Variants in VWCE observed in about 807,000 individuals in gnomAD.
VWCE encodes von Willebrand factor C and EGF domain-containing protein.
Under a neutral mutation model 102.9 loss-of-function variants are expected in VWCE, and 68 were observed. The observed-to-expected ratio is 0.66, with a 90% confidence interval of 0.54 to 0.81. The LOEUF is 0.81. Among genes scored for constraint, VWCE ranks in the 30% least tolerant of loss-of-function variants. VWCE has a pLI of 0.00. For missense variants in VWCE, 1,137 were observed against 1,263.6 expected (o/e 0.90, Z 1.52); for synonymous variants, 497 against 515.4 (o/e 0.96, Z 0.48).
At chr11:61,286,158 G>T in intron 5 of VWCE, 156 bp downstream of exon 5, 1 of 773,006 alleles carries the variant, frequency 1.3e-6, no homozygotes, top group Non-Finnish European at 2.2e-6. Flanking sequence ...ACATCAGTCA[G>T]ACAGGAACCA....
At chr11:61,276,701 G>A (rs768156080) in intron 10 of VWCE, 21 bp from the exon 11 acceptor site, 3 of 1,577,208 alleles carry the variant, frequency 1.9e-6, no homozygotes, top group East Asian at 2.3e-5. Flanking sequence ...GGCAAGAGAG[G>A]GCACTGGGGG....
At chr11:61,276,757 T>G in intron 10 of VWCE, 77 bp from the exon 11 acceptor site, 1 of 1,213,524 alleles carries the variant, frequency 8.2e-7, no homozygotes, top group Non-Finnish European at 1.1e-6. Flanking sequence ...AGCAGGCCCT[T>G]CGAACAGGAA....
chr11:61,284,387 C>T (rs1018573054), intron 5 of VWCE, among the ~76,000 whole-genome samples: 1 of 152,132 alleles, frequency 6.6e-6, no homozygotes, highest in African/African-American at 2.4e-5. Context: ...GGACCCAGGA[C>T]CTGAGAGTTC....
At chr11:61,272,865 C>A (rs550850799) in intron 13 of VWCE, among the ~76,000 whole-genome samples, 28 of 151,916 alleles carry the variant, frequency 1.8e-4, no homozygotes, top group Non-Finnish European at 3.5e-4. Context: ...AACACAGACA[C>A]ATACACACAC....
At chr11:61,287,139 G>A (rs570896899) in intron 4 of VWCE, among the ~76,000 whole-genome samples, 8 of 152,070 alleles carry the variant, frequency 5.3e-5, no homozygotes, top group East Asian at 1.9e-4. Context: ...TCCCTTGCAC[G>A]GCCCTCTCTG....
chr11:61,260,906 A>T (rs184688478), intron 19 of VWCE, among the ~76,000 whole-genome samples: 12 of 152,122 alleles, frequency 7.9e-5, no homozygotes, highest in African/African-American at 2.9e-4. Context: ...GCAAAAAGAA[A>T]ATGAAGAGTG....
At chr11:61,287,760 C>T (rs755658654) in intron 4 of VWCE, among the ~76,000 whole-genome samples, 50 of 152,190 alleles carry the variant, frequency 3.3e-4, no homozygotes, top group Non-Finnish European at 5.1e-4. Flanking sequence ...GAGGTGCTTC[C>T]AGGCAGCAGC....
At position 61,290,327 on chromosome 11, in the gene VWCE, C is replaced by T. The variant is rs141706283; in HGVS notation, c.424+472G>A. 6.7e-3 allele frequency among the ~76,000 whole-genome samples: 1,016 copies of T among 152,282 alleles called. 13 individuals are homozygous for T. Among genetic ancestry groups the T allele is most frequent in the African/African-American group, 0.024 (981 of 41,546 alleles). On this transcript the variant is annotated intron_variant, in intron 4 of 19. Coordinates refer to ENST00000335613, the MANE Select transcript of VWCE (RefSeq NM_152718.2). ...AGGAGTTCGAGACCACCCTGGCCAA[C>T]ATGGCAAAACCCTGTCTCTACTAAA...
intron 14 of VWCE, 105 bp downstream of exon 14, chr11:61,271,570 C>A (rs985351237): frequency 9.1e-7 from 1 of 1,098,790 alleles, no homozygotes. Context: ...AGGGAGACTG[C>A]GGCCAGCCTG....
At chr11:61,271,499 A>C (rs1416690225) in intron 14 of VWCE, 176 bp downstream of exon 14, 1 of 585,092 alleles carries the variant, frequency 1.7e-6, no homozygotes, top group Non-Finnish European at 3.1e-6. Context: ...TCACACATCT[A>C]CTGAGAGCAG....
In VWCE at chr11:61,267,554, A is replaced by G. The variant is rs1565218182; in HGVS notation, c.1883-10T>C. 6.2e-7 allele frequency: 1 copy of G among 1,613,948 alleles called. No individual in the cohort carries two copies. ...CCTGTGTAGGTGCAGCCTGCCAGAG[A>G]GAGCATGCGCTGAGCACCAGCTGGG... On this transcript the variant is annotated splice_polypyrimidine_tract_variant and intron_variant, in intron 15 of 19. Transcript: ENST00000335613.
At chr11:61,293,325 G>A (rs1385524760) in intron 1 of VWCE, among the ~76,000 whole-genome samples, 1 of 149,632 alleles carries the variant, frequency 6.7e-6, no homozygotes, top group Non-Finnish European at 1.5e-5. Context: ...GCTGAGGCAT[G>A]AGAATCGCTT....
At chr11:61,287,882 G>T (rs566586830) in intron 4 of VWCE, among the ~76,000 whole-genome samples, 9 of 152,124 alleles carry the variant, frequency 5.9e-5, no homozygotes, top group African/African-American at 2.2e-4. Flanking sequence ...AAGGCCAGGC[G>T]CAGTGGCTCA....
In VWCE at chr11:61,267,518, A is replaced by G. The variant is rs199678085; in HGVS notation, c.1909T>C (p.Tyr637His). 3 of 1,614,148 alleles carry G rather than the reference A, an allele frequency of 1.9e-6. No individual in the cohort carries two copies. Among genetic ancestry groups the G allele is most frequent in the Admixed American group, 3.3e-5 (2 of 60,012 alleles). The change falls in exon 16 of 20, where the codon TAT becomes CAT. Residue 637 changes from tyrosine (Y) to histidine (H), a missense_variant. Transcript: ENST00000335613. ...AGCTYTGRIF[Y>H]NNETFPSVLD... ...ACAGACGGGAAGGTCTCGTTGTTAT[A>G]GAAGATTCTGCCTGTGTAGGTGCAG...
chr11:61,290,395 C>T (rs1855462118), intron 4 of VWCE, among the ~76,000 whole-genome samples: 1 of 151,942 alleles, frequency 6.6e-6, no homozygotes, highest in Non-Finnish European at 1.5e-5. Flanking sequence ...GCCTGTAATC[C>T]CAGCTACTGA....
intron 15 of VWCE, among the ~76,000 whole-genome samples, chr11:61,268,653 TCTC>T (rs1854581646): frequency 6.6e-6 from 1 of 152,208 alleles, no homozygotes; most frequent in African/African-American, 2.4e-5. Context: ...TTAAAACTTC[TCTC>T]CTCCTGCTGT....
chr11:61,261,881 C>T (rs1259055134), intron 19 of VWCE, among the ~76,000 whole-genome samples: 1 of 151,920 alleles, frequency 6.6e-6, no homozygotes, highest in East Asian at 1.9e-4. Context: ...TTAAAGGGAG[C>T]TCTTGTTAAT....
Position 61,271,502 on chromosome 11 carries a change from G to A in VWCE, c.1785+173C>T, listed in dbSNP as rs140193085. 3.8e-4 allele frequency: 227 copies of A among 592,948 alleles called. 3 individuals are homozygous for A. Among genetic ancestry groups the A allele is most frequent in the South Asian group, 3.7e-3 (201 of 54,656 alleles). 36.7% of individuals were successfully genotyped at this position (592,948 alleles called of 1,614,324 possible). The stretch of plus-strand genomic sequence containing the variant: ...GCACCATCGTCCTCACACATCTACT[G>A]AGAGCAGGATAAACTCGGTCCAACC... On this transcript the variant is annotated intron_variant, in intron 14 of 19. Coordinates refer to ENST00000335613, the MANE Select transcript of VWCE (RefSeq NM_152718.2).
chr11:61,277,671 G>T (rs928436524), intron 10 of VWCE, among the ~76,000 whole-genome samples: 2 of 152,040 alleles, frequency 1.3e-5, no homozygotes, highest in African/African-American at 4.8e-5. Flanking sequence ...CTGACTTTGG[G>T]CTCAGACAGA....
Sources: allele counts gnomAD v4.1 joint callset (sites outside exome capture counted in the v4.1 genomes callset), GRCh38; gene constraint gnomAD v4.1.1; transcripts MANE v1.5; gene names NCBI Gene and HGNC (gene_info 2026-07-23, HGNC 2026-07-21).